The following DROSHA variants were observed in gnomAD, a reference collection of about 807,000 sequenced individuals.
DROSHA encodes the protein ribonuclease 3.
Under a neutral mutation model 181.9 loss-of-function variants are expected in DROSHA, and 56 were observed. The ratio of observed to expected loss-of-function variants is 0.31; its 90% CI spans 0.25 to 0.38. The LOEUF is 0.38. Ranked by LOEUF, DROSHA falls within the 10% of genes least tolerant of loss-of-function variation. DROSHA has a pLI of 1.00. For synonymous variants in DROSHA, 524 were observed against 591.2 expected, an observed-to-expected ratio of 0.89 and a Z score of 1.65; for missense variants, 1,218 against 1,743.5, an observed-to-expected ratio of 0.70 and a Z score of 5.37.
intron 20 of DROSHA, among the ~76,000 whole-genome samples, chr5:31,460,448 T>C (rs1288270317): frequency 6.6e-6 from 1 of 152,182 alleles, no homozygotes; most frequent in African/African-American, 2.4e-5. Flanking sequence ...CAGAGGGAGA[T>C]GCTGGTACTG....
At chr5:31,476,349 G>T (rs1297288522) in intron 16 of DROSHA, among the ~76,000 whole-genome samples, 3 of 152,108 alleles carry the variant, frequency 2.0e-5, no homozygotes, top group Non-Finnish European at 2.9e-5. Context: ...TGAGTGACAG[G>T]GTGAGACTCT....
chr5:31,423,118 A>C, intron 28 of DROSHA, 174 bp from the exon 29 acceptor site: 1 of 587,432 alleles, frequency 1.7e-6, no homozygotes, highest in Non-Finnish European at 2.8e-6. Flanking sequence ...AACAAATCTA[A>C]TATTTAAAGA....
rs1281729779 is a variant in DROSHA at position 31,526,061 on chromosome 5, T to C, written c.854+18A>G. ...GGGCCTCTGCAGTTCATTAAAGAAC[T>C]ACACACAAGCGGTTTACCTGCTCCG... On this transcript the variant is annotated intron_variant, in intron 5 of 35. Coordinates refer to ENST00000344624, the MANE Select transcript of DROSHA (RefSeq NM_001382508.1). 1.9e-6 allele frequency: 3 copies of C among 1,553,230 alleles called. No homozygotes were observed. In the Admixed American group the frequency reaches 5.6e-5, roughly 29 times the overall value.
chr5:31,492,942 CCAATCTTTCACACTCT>C (rs1752580122), intron 13 of DROSHA, among the ~76,000 whole-genome samples: 2 of 152,194 alleles, frequency 1.3e-5, no homozygotes, highest in Admixed American at 6.5e-5. Flanking sequence ...TCCTCCTTTT[CCAATCTTTCACACTCT>C]CAAAATGTTA....
At chr5:31,489,655 C>A (rs1752159858) in intron 13 of DROSHA, among the ~76,000 whole-genome samples, 1 of 106,886 alleles carries the variant, frequency 9.4e-6, no homozygotes, top group Admixed American at 1.1e-4. Flanking sequence ...GACTTATACT[C>A]CTATCTCACC....
chr5:31,495,230 A>G, intron 12 of DROSHA, 56 bp downstream of exon 12: 1 of 1,535,304 alleles, frequency 6.5e-7, no homozygotes, highest in South Asian at 1.2e-5. Flanking sequence ...TAGCCTATTC[A>G]CATTTTACTC....
At chr5:31,403,882 T>G (rs558777249) in intron 35 of DROSHA, among the ~76,000 whole-genome samples, 1 of 151,970 alleles carries the variant, frequency 6.6e-6, no homozygotes, top group Non-Finnish European at 1.5e-5. Flanking sequence ...AACACATAGG[T>G]TTTTTTTATC....
rs1341172661 is a variant in DROSHA at position 31,470,903 on chromosome 5, G to A, written c.2241+1160C>T. ...TGACTCAGCATGAAAAGTGACAGAG[G>A]GAATATCAATATATGCAACTGTTTT... On this transcript the variant is annotated intron_variant, in intron 17 of 35. Coordinates refer to ENST00000344624, the MANE Select transcript of DROSHA (RefSeq NM_001382508.1). This position sits in a 1 kb window ranked among gnomAD's most constrained non-coding sequence, Gnocchi z 4.0. Among the ~76,000 whole-genome samples the A allele has an allele frequency of 2.0e-5, 3 of 151,872 alleles. No individual in the cohort carries two copies. The highest frequency in any genetic ancestry group is 3.9e-4 in the East Asian group (2 of 5,168).
chr5:31,401,545 C>T lies in DROSHA; in HGVS notation c.4012G>A (p.Ala1338Thr), dbSNP rs1001404409. 3.2e-6 allele frequency: 5 copies of T among 1,579,346 alleles called. No individual in the cohort carries two copies. The highest frequency in any genetic ancestry group is 3.4e-4 in the Middle Eastern group (2 of 5,930). ...CGTTCGATGAACCGCTTCTGATGGG[C>T]CATCTGGGGAAAATTATCTGACACA... ...ALEKYNFPQM[A>T]HQKRFIERKY... is the part of the protein sequence containing the mutation. Residue 1338 changes from alanine (A) to threonine (T), a missense_variant, in exon 36 of 36, where the codon GCC becomes ACC. Coordinates refer to ENST00000344624, the MANE Select transcript of DROSHA (RefSeq NM_001382508.1).
At chr5:31,464,973 C>T (rs1054056955) in intron 19 of DROSHA, among the ~76,000 whole-genome samples, 1 of 152,102 alleles carries the variant, frequency 6.6e-6, no homozygotes, top group Non-Finnish European at 1.5e-5. Context: ...CCCCCACCCC[C>T]ACTATTGATT....
chr5:31,503,462 G>A (rs1737538003), intron 11 of DROSHA, among the ~76,000 whole-genome samples: 1 of 152,048 alleles, frequency 6.6e-6, no homozygotes, highest in Admixed American at 6.5e-5. Context: ...GTCCAAATGT[G>A]CACTGTGTAG....
At position 31,410,914 on chromosome 5, in the gene DROSHA, G is replaced by A. The variant is rs988706068; in HGVS notation, c.3526-27C>T. 3.7e-6 allele frequency: 6 copies of A among 1,612,976 alleles called. No homozygotes were observed. The African/African-American group carries it at 8.0e-5, about 21-fold the overall frequency. On this transcript the variant is annotated intron_variant, in intron 30 of 35. Transcript: ENST00000344624. Reference sequence around the variant, plus strand: ...TGCCCAAAAGGAATGGCGGTACATTGAGAACACATTTCACTTTTGACCTCT... The same window carrying A: ...TGCCCAAAAGGAATGGCGGTACATTAAGAACACATTTCACTTTTGACCTCT...
chr5:31,481,734 T>C (rs1322468761), intron 16 of DROSHA, among the ~76,000 whole-genome samples: 2 of 151,606 alleles, frequency 1.3e-5, no homozygotes, highest in Non-Finnish European at 2.9e-5. Flanking sequence ...GAGGAAAGAG[T>C]ATCAGGAAAA....
chr5:31,486,446 C>CA (rs1751766751), intron 14 of DROSHA, 45 bp downstream of exon 14: 1 of 1,596,986 alleles, frequency 6.3e-7, no homozygotes, highest in Non-Finnish European at 8.5e-7. Flanking sequence ...ATGGAACAAG[C>CA]AAAAGAGCAA....
At chr5:31,462,384 T>A (rs186165140) in intron 20 of DROSHA, among the ~76,000 whole-genome samples, 121 of 152,218 alleles carry the variant, frequency 7.9e-4, no homozygotes, top group African/African-American at 2.8e-3. Context: ...GGTTATTAGA[T>A]CATAAAGCAT....
chr5:31,488,435 A>AT (rs1195982791), intron 13 of DROSHA, among the ~76,000 whole-genome samples: 1 of 149,924 alleles, frequency 6.7e-6, no homozygotes, highest in Non-Finnish European at 1.5e-5. Flanking sequence ...AAAAAAAAAA[A>AT]GATGGGGAGG....
intron 9 of DROSHA, 69 bp from the exon 10 acceptor site, chr5:31,508,844 G>A: frequency 2.3e-6 from 3 of 1,309,242 alleles, no homozygotes; most frequent in Non-Finnish European, 2.1e-6. Flanking sequence ...TTTTCCCTGA[G>A]TTGGAGTCTC....
At chr5:31,501,340 C>G (rs575108669) in intron 11 of DROSHA, among the ~76,000 whole-genome samples, 1 of 152,166 alleles carries the variant, frequency 6.6e-6, no homozygotes, top group South Asian at 2.1e-4. Flanking sequence ...TGGTCCTTCC[C>G]CTGGTCCTTG....
intron 33 of DROSHA, among the ~76,000 whole-genome samples, chr5:31,407,908 A>G (rs1740845915): frequency 6.6e-6 from 1 of 152,176 alleles, no homozygotes; most frequent in East Asian, 1.9e-4. Flanking sequence ...CATAGAATAC[A>G]GTTTGGATAT....
Sources: gnomAD v4.1 joint callset for allele counts (sites outside exome capture counted in the v4.1 genomes callset) on GRCh38, gnomAD v4.1.1 for gene constraint, Gnocchi (gnomAD v3.1) non-coding constraint, MANE v1.5 for transcripts, NCBI Gene and HGNC (gene_info 2026-07-23, HGNC 2026-07-21) for gene names.